The following TERF2IP variants were observed in gnomAD, a reference collection of about 807,000 sequenced individuals.
TERF2IP encodes TERF2 interacting protein.
A neutral mutation model predicts 33.3 loss-of-function variants in TERF2IP; 35 were observed. The ratio of observed to expected loss-of-function variants is 1.05; its 90% CI spans 0.80 to 1.39. TERF2IP has a LOEUF of 1.39. Ranked by LOEUF, TERF2IP falls within the 40% of genes most tolerant of loss-of-function variation. The probability of loss-of-function intolerance (pLI) is 0.00; values close to 1 mark genes in which losing one functional copy is unlikely to be tolerated. For missense variants in TERF2IP, 583 were observed against 524.8 expected (o/e 1.11, Z -1.08); for synonymous variants, 253 against 223.2 (o/e 1.13, Z -1.19).
chr16:75,652,204 C>G (rs956131622), intron 1 of TERF2IP, among the ~76,000 whole-genome samples: 1 of 152,166 alleles, frequency 6.6e-6, no homozygotes, highest in African/African-American at 2.4e-5. Flanking sequence ...CCTCTATTAC[C>G]GTCTCTTGTC....
At position 75,656,665 on chromosome 16, in the gene TERF2IP, A is replaced by T. The variant is rs1186437425; in HGVS notation, c.*54A>T. On this transcript the variant is annotated 3_prime_UTR_variant, in exon 3 of 3. Transcript: ENST00000300086. ...TCATGGTAGGTGAGGTGGTTAAAAAAAATTGTGACCAATGAACTTTAGAGA... is the reference window on the plus strand; with the variant it reads ...TCATGGTAGGTGAGGTGGTTAAAAATAATTGTGACCAATGAACTTTAGAGA... 3.3e-6 allele frequency: 5 copies of T among 1,501,134 alleles called. No individual in the cohort carries two copies. Among genetic ancestry groups the T allele is most frequent in the South Asian group, 1.3e-5 (1 of 75,176 alleles). 93.0% of individuals were successfully genotyped at this position (1,501,134 alleles called of 1,614,324 possible). A position where few individuals can be genotyped will look rare whatever the true frequency, so the allele number is the denominator to read the frequency against.
rs1304087336 is a variant in TERF2IP, at chr16:75,648,009, TC to T, written c.128del (p.Ser43Ter). 6.2e-7 allele frequency: 1 copy of T among 1,612,794 alleles called. No individual in the cohort carries two copies. The highest frequency in any genetic ancestry group is 8.5e-7 in the Non-Finnish European group (1 of 1,179,704). The part of the protein sequence containing the change: ...VRPSPAKRRL[S>X]TLILHGGGTV... ...GCCCAGCCCGGCCAAGCGTCGGCTG[TC>T]GACGCTCATCCTGCACGGCGGCGGC... On this transcript the variant is annotated frameshift_variant, in exon 1 of 3. Transcript: ENST00000300086. LOFTEE classifies it high-confidence loss of function.
intron 1 of TERF2IP, among the ~76,000 whole-genome samples, chr16:75,649,346 C>G (rs1048710684): frequency 1.3e-5 from 2 of 152,130 alleles, no homozygotes; most frequent in Admixed American, 6.5e-5. Flanking sequence ...GAGATCGAGA[C>G]GAGCCTGACC....
rs1314146528 is a variant in TERF2IP, at chr16:75,648,286, C to T, written c.404C>T (p.Ala135Val). 1 of 1,552,254 alleles carries T rather than the reference C, an allele frequency of 6.4e-7. No homozygotes were observed. The highest frequency in any genetic ancestry group is 2.4e-5 in the East Asian group (1 of 41,242). Reference protein sequence around the residue: ...PEPQRHAGRIAFTDADDVAIL... With the variant: ...PEPQRHAGRIVFTDADDVAIL... The stretch of plus-strand genomic sequence containing the variant: ...CCGCAGCGGCACGCCGGGCGGATCG[C>T]CTTCACGGATGCGGACGACGTAGCC... Residue 135 changes from alanine to valine, a missense_variant, in exon 1 of 3, where the codon GCC becomes GTC. Coordinates refer to ENST00000300086, the MANE Select transcript of TERF2IP (RefSeq NM_018975.4).
intron 1 of TERF2IP, among the ~76,000 whole-genome samples, chr16:75,648,834 G>A (rs1326395307): frequency 6.6e-6 from 1 of 152,068 alleles, no homozygotes. Context: ...GATTACAGGA[G>A]TGAGCCACCA....
Position 75,648,379 on chromosome 16 carries a change from C to T in TERF2IP, c.497C>T (p.Ala166Val), listed in dbSNP as rs1389394795. 7 of 1,605,904 alleles carry T rather than the reference C, an allele frequency of 4.4e-6. No homozygotes were observed. The South Asian group carries it at 5.6e-5, about 13-fold the overall frequency. Residue 166 changes from alanine to valine, a missense_variant, in exon 1 of 3, where the codon GCG (alanine) becomes GTG (valine). Ala to Val is a moderately conservative substitution (Grantham distance 64). Transcript: ENST00000300086. ...GTCACCGGTAACGCCTTGTGGAAAG[C>T]GATGGAGAAGAGCTCGCTCACGCAG... ...SSVTGNALWK[A>V]MEKSSLTQHS...
At chr16:75,651,654 AC>A (rs1392682449) in intron 1 of TERF2IP, among the ~76,000 whole-genome samples, 2 of 152,234 alleles carry the variant, frequency 1.3e-5, no homozygotes, top group East Asian at 3.9e-4. Context: ...AAGCCCCTGC[AC>A]TCCAGCCTGG....
intron 1 of TERF2IP, 120 bp from the exon 2 acceptor site, chr16:75,654,148 TAAAAA>T (rs34359798): frequency 0.013 from 3,791 of 289,130 alleles, no homozygotes; most frequent in Non-Finnish European, 0.015. Context: ...CTTCTGATAG[TAAAAA>T]AAAAAAAAAA....
chr16:75,657,239 T>TTA lies in TERF2IP; in HGVS notation c.*629_*630dup, dbSNP rs1455506721. 1 of 152,262 alleles carries TTA rather than the reference T, an allele frequency of 6.6e-6. No homozygotes were observed. The highest frequency in any genetic ancestry group is 1.5e-5 in the Non-Finnish European group (1 of 68,074). The allele number at this position is 152,262 out of a possible 1,614,324, so 9.4% of individuals were successfully genotyped here. On this transcript the variant is annotated 3_prime_UTR_variant, in exon 3 of 3. Coordinates refer to ENST00000300086, the MANE Select transcript of TERF2IP (RefSeq NM_018975.4). ...AGTCAAGTCTGCCGGATGTCTTTCT[T>TTA]TACCTACCCCTCAGTTTTCCTTAAA...
rs990113434 is a variant in TERF2IP at position 75,651,356 on chromosome 16, C to T, written c.670+2804C>T. Reference sequence around the variant, plus strand: ...GTTCCCAGAAAAGGAAATAAATAAGCGGCCGATAAACAAATGAAGAAATAG... The same window carrying T: ...GTTCCCAGAAAAGGAAATAAATAAGTGGCCGATAAACAAATGAAGAAATAG... On this transcript the variant is annotated intron_variant, in intron 1 of 2. Coordinates refer to ENST00000300086, the MANE Select transcript of TERF2IP (RefSeq NM_018975.4). Among the ~76,000 whole-genome samples the T allele has an allele frequency of 7.2e-5, 11 of 152,104 alleles. No homozygotes were observed. In the South Asian group the frequency reaches 1.7e-3, roughly 23 times the overall value.
intron 2 of TERF2IP, among the ~76,000 whole-genome samples, chr16:75,655,793 C>T (rs1220500563): frequency 6.6e-6 from 1 of 152,088 alleles, no homozygotes; most frequent in Admixed American, 6.5e-5. Flanking sequence ...CAATTCCTGC[C>T]CTTAGGAGCT....
chr16:75,648,812 C>A (rs2151816639), intron 1 of TERF2IP: 2 of 999,514 alleles, frequency 2.0e-6, no homozygotes, highest in Non-Finnish European at 2.7e-6. Context: ...CCTCGGCCAC[C>A]CAAAGTGTTG....
rs1432779693 is a variant in TERF2IP, at chr16:75,648,531, C to G, written c.649C>G (p.Pro217Ala). 1 of 1,565,722 alleles carries G rather than the reference C, an allele frequency of 6.4e-7. No homozygotes were observed. The highest frequency in any genetic ancestry group is 8.7e-7 in the Non-Finnish European group (1 of 1,152,958). The change falls in exon 1 of 3, where the codon CCG becomes GCG. Residue 217 changes from proline (P) to alanine (A), a missense_variant. By Grantham distance (27) the Pro-to-Ala change is conservative (BLOSUM62 -1). Coordinates refer to ENST00000300086, the MANE Select transcript of TERF2IP (RefSeq NM_018975.4). ...GCTCAAGCGGAAGGCGGAGGAGGAC[C>G]CGGAGGCCGCGGATAGCGGGGGTGA... ...QKLKRKAEED[P>A]EAADSGEPQN...
chr16:75,648,534 G>C lies in TERF2IP; in HGVS notation c.652G>C (p.Glu218Gln). Residue 218 changes from glutamate to glutamine, a missense_variant, in exon 1 of 3, where the codon GAG becomes CAG. Glu to Gln is a conservative substitution (Grantham distance 29, BLOSUM62 2). Coordinates refer to ENST00000300086, the MANE Select transcript of TERF2IP (RefSeq NM_018975.4). ...KLKRKAEEDP[E>Q]AADSGEPQNK... ...CAAGCGGAAGGCGGAGGAGGACCCGGAGGCCGCGGATAGCGGGGGTGAGGA... is the reference window on the plus strand; with the variant it reads ...CAAGCGGAAGGCGGAGGAGGACCCGCAGGCCGCGGATAGCGGGGGTGAGGA... The C allele has an allele frequency of 3.8e-6, 6 of 1,564,530 alleles. No individual in the cohort carries two copies. The highest frequency in any genetic ancestry group is 5.2e-6 in the Non-Finnish European group (6 of 1,152,284).
chr16:75,656,542 CAGAGAGGCATTGGTCAA>C lies in TERF2IP; in HGVS notation c.1133_1149del (p.Arg378LysfsTer12). The stretch of plus-strand genomic sequence containing the variant: ...ATTTGCAAAAAGATGATGAGGATAC[CAGAGAGGCATTGGTCAA>C]AAAATTTGGTGCTCAGAATGTAGCT... On this transcript the variant is annotated frameshift_variant, in exon 3 of 3. Transcript: ENST00000300086. LOFTEE classifies it high-confidence loss of function. The C allele has an allele frequency of 6.2e-7, 1 of 1,613,950 alleles. No homozygotes were observed. Among genetic ancestry groups the C allele is most frequent in the Non-Finnish European group, 8.5e-7 (1 of 1,179,964 alleles).
rs2082320023 is a variant in TERF2IP at position 75,648,448 on chromosome 16, G to A, written c.566G>A (p.Arg189Gln). The A allele has an allele frequency of 1.2e-6, 2 of 1,601,358 alleles. No individual in the cohort carries two copies. The highest frequency in any genetic ancestry group is 2.3e-5 in the East Asian group (1 of 44,404). ...AAGGACCGCTACCTCAAGCACCTGCGGGGCCAGGAGCATAAGTACCTGCTG... is the reference window on the plus strand; with the variant it reads ...AAGGACCGCTACCTCAAGCACCTGCAGGGCCAGGAGCATAAGTACCTGCTG... ...SLKDRYLKHL[R>Q]GQEHKYLLGD... The change falls in exon 1 of 3, where the codon CGG becomes CAG. Residue 189 changes from arginine to glutamine, a missense_variant. Arg to Gln is a conservative substitution (Grantham distance 43, BLOSUM62 1). Transcript: ENST00000300086.
At chr16:75,653,030 C>T (rs1433278845) in intron 1 of TERF2IP, among the ~76,000 whole-genome samples, 1 of 152,168 alleles carries the variant, frequency 6.6e-6, no homozygotes, top group African/African-American at 2.4e-5. Context: ...CCTTTTGTGT[C>T]TGGCTTATTT....
intron 1 of TERF2IP, among the ~76,000 whole-genome samples, chr16:75,650,350 G>A (rs1274802832): frequency 6.6e-6 from 1 of 152,172 alleles, no homozygotes; most frequent in Non-Finnish European, 1.5e-5. Context: ...TGTTCAGGCA[G>A]AGGAAGAAGC....
chr16:75,648,344 G>T lies in TERF2IP; in HGVS notation c.462G>T (p.Ser154=), dbSNP rs773739358. 5.7e-6 allele frequency: 9 copies of T among 1,589,854 alleles called. No homozygotes were observed. In the African/African-American group the frequency reaches 1.2e-4, roughly 21 times the overall value. ...ILTYVKENAR[S]PSSVTGNALW... is the part of the protein sequence containing the mutation. ...CCTACGTGAAGGAAAATGCCCGCTC[G>T]CCCAGCTCCGTCACCGGTAACGCCT... The change falls in exon 1 of 3, where the codon TCG becomes TCT. Residue 154 remains serine (S), a synonymous_variant. Coordinates refer to ENST00000300086, the MANE Select transcript of TERF2IP (RefSeq NM_018975.4).
Sources: allele counts gnomAD v4.1 joint callset (sites outside exome capture counted in the v4.1 genomes callset), GRCh38; gene constraint gnomAD v4.1.1; transcripts MANE v1.5; gene names NCBI Gene and HGNC (gene_info 2026-07-23, HGNC 2026-07-21).